Variants in TMEM70 observed in about 807,000 individuals in gnomAD.
The protein encoded by TMEM70 is transmembrane protein 70, also known as transmembrane protein 70, mitochondrial.
Under a neutral mutation model 20.5 loss-of-function variants are expected in TMEM70, and 15 were observed. The ratio of observed to expected loss-of-function variants is 0.73; its 90% CI spans 0.49 to 1.13. The LOEUF is 1.13. Ranked by LOEUF, TMEM70 falls within the 50% of genes most tolerant of loss-of-function variation. The pLI is 0.00. For missense variants in TMEM70, 344 were observed against 331.7 expected, an observed-to-expected ratio of 1.04 and a Z score of -0.29; for synonymous variants, 141 against 134.2, an observed-to-expected ratio of 1.05 and a Z score of -0.35.
In TMEM70 at chr8:73,981,958, T is replaced by A. The variant is rs1160887907; in HGVS notation, c.*337T>A. 2.1e-6 allele frequency: 1 copy of A among 485,974 alleles called. No homozygotes were observed. The highest frequency in any genetic ancestry group is 1.5e-5 in the South Asian group (1 of 64,746). The allele number at this position is 485,974 out of a possible 1,614,324, so 30.1% of individuals were successfully genotyped here. A position where few individuals can be genotyped will look rare whatever the true frequency, so the allele number is the denominator to read the frequency against. On this transcript the variant is annotated 3_prime_UTR_variant, in exon 3 of 3. Transcript: ENST00000312184. Reference sequence around the variant, plus strand: ...TTCTTTGTGTATGGATTTTTCTAAGTGTATAAATATTTTCCGACATTAAAA... The same window carrying A: ...TTCTTTGTGTATGGATTTTTCTAAGAGTATAAATATTTTCCGACATTAAAA...
chr8:73,978,644 G>T, intron 1 of TMEM70, 112 bp from the exon 2 acceptor site: 5 of 1,095,262 alleles, frequency 4.6e-6, no homozygotes, highest in Non-Finnish European at 5.3e-6. Context: ...GGTGAGCTGA[G>T]ATCGCACCAC....
At position 73,981,479 on chromosome 8, in the gene TMEM70, C is replaced by G. The variant is rs572762899; in HGVS notation, c.641C>G (p.Ala214Gly). The change falls in exon 3 of 3, where the codon GCT becomes GGT. Residue 214 changes from alanine to glycine, a missense_variant. By Grantham distance (60) the Ala-to-Gly change is moderately conservative. Coordinates refer to ENST00000312184, the MANE Select transcript of TMEM70 (RefSeq NM_017866.6). ...DAKHVFTTFYAKTKSLLVNPV... is the reference protein window; with the variant it reads ...DAKHVFTTFYGKTKSLLVNPV... ...AAACATGTATTTACCACATTTTATG[C>G]TAAAACAAAATCACTGTTAGTTAAT... 1 of 1,614,088 alleles carries G rather than the reference C, an allele frequency of 6.2e-7. No individual in the cohort carries two copies. The highest frequency in any genetic ancestry group is 8.5e-7 in the Non-Finnish European group (1 of 1,179,984).
chr8:73,978,983 A>G, intron 2 of TMEM70, 122 bp downstream of exon 2: 2 of 1,284,054 alleles, frequency 1.6e-6, no homozygotes, highest in Non-Finnish European at 2.2e-6. Context: ...GGAAAATTAG[A>G]TTTTCATTTT....
At chr8:73,981,131 C>T (rs1344095523) in intron 2 of TMEM70, 24 bp from the exon 3 acceptor site, 19 of 1,563,502 alleles carry the variant, frequency 1.2e-5, no homozygotes, top group African/African-American at 1.4e-5. Context: ...AAGTATTGAT[C>T]CTCTCTCTTT....
At chr8:73,979,790 C>A (rs970646377) in intron 2 of TMEM70, among the ~76,000 whole-genome samples, 1 of 151,034 alleles carries the variant, frequency 6.6e-6, no homozygotes, top group Admixed American at 6.6e-5. Flanking sequence ...TTTTTTTAAG[C>A]TAGTCAAATT....
chr8:73,976,336 A>T lies in TMEM70; in HGVS notation c.55A>T (p.Arg19Trp), dbSNP rs140712795. ...GGCGGTCGAACTGCCTCTCTGCGGA[A>T]GGAGGACTGCATTGTGTGCGGCCGC... is the stretch of plus-strand genomic sequence containing the variant. Reference protein sequence around the residue: ...PWAVELPLCGRRTALCAAAAL... With the variant: ...PWAVELPLCGWRTALCAAAAL... Residue 19 changes from arginine (R) to tryptophan (W), a missense_variant, in exon 1 of 3, where the codon AGG becomes TGG. Coordinates refer to ENST00000312184, the MANE Select transcript of TMEM70 (RefSeq NM_017866.6). The T allele has an allele frequency of 1.9e-6, 3 of 1,600,566 alleles. No individual in the cohort carries two copies. Among genetic ancestry groups the T allele is most frequent in the Non-Finnish European group, 2.5e-6 (3 of 1,179,610 alleles).
chr8:73,981,915 A>T lies in TMEM70; in HGVS notation c.*294A>T, dbSNP rs1316298208. ...AACTGGGGATCTGATGTCAGTAGCA[A>T]ATGGGAGAGTTGCTTTATTCTTTGT... is the stretch of plus-strand genomic sequence containing the variant. On this transcript the variant is annotated 3_prime_UTR_variant, in exon 3 of 3. Coordinates refer to ENST00000312184, the MANE Select transcript of TMEM70 (RefSeq NM_017866.6). The T allele has an allele frequency of 1.9e-6, 1 of 536,666 alleles. No individual in the cohort carries two copies. Among genetic ancestry groups the T allele is most frequent in the African/African-American group, 1.9e-5 (1 of 53,310 alleles). The allele number at this position is 536,666 out of a possible 1,614,324, so 33.2% of individuals were successfully genotyped here.
At chr8:73,978,676 G>C in intron 1 of TMEM70, 80 bp from the exon 2 acceptor site, 1 of 1,458,828 alleles carries the variant, frequency 6.9e-7, no homozygotes, top group Admixed American at 1.9e-5. Context: ...CTGGGAGACA[G>C]AGCAAGACTC....
At chr8:73,978,930 T>C (rs1815721462) in intron 2 of TMEM70, 69 bp downstream of exon 2, 1 of 1,568,174 alleles carries the variant, frequency 6.4e-7, no homozygotes, top group Non-Finnish European at 8.7e-7. Context: ...ATCCTTACCA[T>C]ATCTTACTTG....
At chr8:73,976,593 C>A in intron 1 of TMEM70, 102 bp downstream of exon 1, 2 of 1,215,070 alleles carry the variant, frequency 1.6e-6, no homozygotes, top group South Asian at 1.6e-5. Context: ...TCCCAGGTGT[C>A]CGTGGCTGGA....
At chr8:73,977,809 A>G (rs1815689876) in intron 1 of TMEM70, among the ~76,000 whole-genome samples, 1 of 152,262 alleles carries the variant, frequency 6.6e-6, no homozygotes, top group Middle Eastern at 3.4e-3. Context: ...AAATGTATTT[A>G]TTTTTTGAAA....
intron 1 of TMEM70, among the ~76,000 whole-genome samples, 200 bp from the exon 2 acceptor site, chr8:73,978,556 G>A (rs1815709429): frequency 6.6e-6 from 1 of 151,662 alleles, no homozygotes; most frequent in African/African-American, 2.4e-5. Flanking sequence ...CGGGTGTGGT[G>A]GTGGGCACCT....
chr8:73,978,841 A>G lies in TMEM70; in HGVS notation c.296A>G (p.Asn99Ser), dbSNP rs763250012. The change falls in exon 2 of 3, where the codon AAT becomes AGT. Residue 99 changes from asparagine (N) to serine (S), a missense_variant. Physicochemically the swap from Asn to Ser is conservative, Grantham distance 46 (BLOSUM62 1). Coordinates refer to ENST00000312184, the MANE Select transcript of TMEM70 (RefSeq NM_017866.6). ...SEDGRLIYTG[N>S]MARAVFGVKC... ...GATGGAAGGCTAATTTATACTGGCA[A>G]TATGGCCCGAGCAGTGTTTGGTAAG... 1.2e-5 allele frequency: 19 copies of G among 1,614,162 alleles called. No individual in the cohort carries two copies. The South Asian group carries it at 1.9e-4, about 16-fold the overall frequency.
chr8:73,978,796 C>T lies in TMEM70; in HGVS notation c.251C>T (p.Thr84Met), dbSNP rs756840242. 6.1e-5 allele frequency: 99 copies of T among 1,613,650 alleles called. No homozygotes were observed. The highest frequency in any genetic ancestry group is 2.0e-4 in the East Asian group (9 of 44,872). Residue 84 changes from threonine to methionine, a missense_variant, in exon 2 of 3, where the codon ACG (threonine) becomes ATG (methionine). Physicochemically the swap from Thr to Met is moderately conservative, Grantham distance 81 (BLOSUM62 -1). Coordinates refer to ENST00000312184, the MANE Select transcript of TMEM70 (RefSeq NM_017866.6). Reference sequence around the variant, plus strand: ...GAAGGATATGTTCGATTCTTAAATACGCCATCTGACAAATCAGAAGATGGA... The same window carrying T: ...GAAGGATATGTTCGATTCTTAAATATGCCATCTGACAAATCAGAAGATGGA... ...YWEGYVRFLN[T>M]PSDKSEDGRL...
At position 73,981,832 on chromosome 8, in the gene TMEM70, A is replaced by G. The variant is rs1815811521; in HGVS notation, c.*211A>G. 1.5e-6 allele frequency: 1 copy of G among 655,084 alleles called. No individual in the cohort carries two copies. Among genetic ancestry groups the G allele is most frequent in the Non-Finnish European group, 2.8e-6 (1 of 357,928 alleles). 40.6% of individuals were successfully genotyped at this position (655,084 alleles called of 1,614,324 possible). ...TCTACCATTCGTGTTTTAGAAAGGT[A>G]TGTGAATAAATATGTTCATGCTAGT... On this transcript the variant is annotated 3_prime_UTR_variant, in exon 3 of 3. Coordinates refer to ENST00000312184, the MANE Select transcript of TMEM70 (RefSeq NM_017866.6).
At chr8:73,980,587 C>T (rs918816465) in intron 2 of TMEM70, among the ~76,000 whole-genome samples, 8 of 152,004 alleles carry the variant, frequency 5.3e-5, no homozygotes, top group African/African-American at 9.7e-5. Context: ...AGGCTGGTCT[C>T]GAACTCCTAA....
rs567090474 is a variant in TMEM70, at chr8:73,981,576, T to C, written c.738T>C (p.Tyr246=). The C allele has an allele frequency of 4.5e-5, 73 of 1,613,070 alleles. No individual in the cohort carries two copies. The highest frequency in any genetic ancestry group is 3.1e-4 in the South Asian group (28 of 91,074). ...ATGACAAAGAAGAATTTATTTTGTA[T>C]ATGGAAGAAACCAGTGAAGAGAAAC... ...MGYDKEEFIL[Y]MEETSEEKRH... The change falls in exon 3 of 3, where the codon TAT becomes TAC. Residue 246 remains tyrosine, a synonymous_variant. Coordinates refer to ENST00000312184, the MANE Select transcript of TMEM70 (RefSeq NM_017866.6).
intron 2 of TMEM70, among the ~76,000 whole-genome samples, chr8:73,980,954 T>C (rs1484128217): frequency 6.6e-6 from 1 of 152,236 alleles, no homozygotes; most frequent in Admixed American, 6.5e-5. Context: ...TGCATTCTAA[T>C]GGTCAGTAGC....
rs1815804418 is a variant in TMEM70 at position 73,981,629 on chromosome 8, T to G, written c.*8T>G. ...CATAAAGATGACAAATGAGCCTATT[T>G]GTTAGTGTTCGTGCTCAAATGTGAT... On this transcript the variant is annotated 3_prime_UTR_variant, in exon 3 of 3. Transcript: ENST00000312184. 6.3e-7 allele frequency: 1 copy of G among 1,587,300 alleles called. No individual in the cohort carries two copies. Among genetic ancestry groups the G allele is most frequent in the African/African-American group, 1.4e-5 (1 of 73,884 alleles).
Sources: gnomAD v4.1 joint callset for allele counts (sites outside exome capture counted in the v4.1 genomes callset) on GRCh38, gnomAD v4.1.1 for gene constraint, MANE v1.5 for transcripts, NCBI Gene and HGNC (gene_info 2026-07-23, HGNC 2026-07-21) for gene names.